CCBE1: variants seen among roughly 807,000 people sequenced by gnomAD.
The protein encoded by CCBE1 is collagen and calcium binding EGF domains 1, also known as collagen and calcium-binding EGF domain-containing protein 1.
In CCBE1, 37 loss-of-function variants were observed where a neutral mutation model predicts 50.0. The observed-to-expected ratio is 0.74, with a 90% CI of 0.57 to 0.97. The LOEUF (loss-of-function observed/expected upper bound fraction) is 0.97. Ranked by LOEUF, CCBE1 falls within the 50% of genes least tolerant of loss-of-function variation. The pLI, the probability that CCBE1 is intolerant of heterozygous loss-of-function variation, is 0.00. For missense variants in CCBE1, 538 were observed against 523.8 expected (o/e 1.03, Z -0.26); for synonymous variants, 234 against 203.7 (o/e 1.15, Z -1.27).
chr18:59,441,586 T>C (rs1218439363), intron 7 of CCBE1, among the ~76,000 whole-genome samples: 1 of 151,910 alleles, frequency 6.6e-6, no homozygotes, highest in Non-Finnish European at 1.5e-5. Flanking sequence ...TAATGAGATA[T>C]GGGCTTTAAA....
intron 2 of CCBE1, among the ~76,000 whole-genome samples, chr18:59,567,276 CTACCCACCACCA>C (rs751336033): frequency 6.6e-6 from 1 of 151,968 alleles, no homozygotes; most frequent in East Asian, 1.9e-4. Context: ...CCCAGCTACC[CTACCCACCACCA>C]TACCCAGCTA....
chr18:59,604,421 CAG>C (rs1039609011), intron 2 of CCBE1, among the ~76,000 whole-genome samples: 13 of 152,098 alleles, frequency 8.5e-5, no homozygotes, highest in African/African-American at 2.7e-4. Context: ...ACACATAGAA[CAG>C]AGATACCTAT....
At chr18:59,656,648 G>A (rs1387341011) in intron 2 of CCBE1, among the ~76,000 whole-genome samples, 3 of 152,142 alleles carry the variant, frequency 2.0e-5, no homozygotes, top group Admixed American at 6.5e-5. Flanking sequence ...TGCATCTAGC[G>A]GGCAATTGGT....
At chr18:59,438,893 T>C (rs1910280482) in intron 9 of CCBE1, among the ~76,000 whole-genome samples, 1 of 152,144 alleles carries the variant, frequency 6.6e-6, no homozygotes, top group South Asian at 2.1e-4. Flanking sequence ...CTCACACCTG[T>C]AATACCAGCA....
chr18:59,435,911 T>G lies in CCBE1; in HGVS notation c.1218A>C (p.Pro406=). ...RDLRAPRDFY[P] is the part of the protein sequence containing the mutation. ...GGCGTGACGGTGTTGGGATGTGCTA[T>G]GGGTAGAAGTCTCTGGGGGCTCTCA... The change falls in exon 11 of 11, where the codon CCA becomes CCC. Residue 406 remains proline (P), a synonymous_variant. Coordinates refer to ENST00000439986, the MANE Select transcript of CCBE1 (RefSeq NM_133459.4). The G allele has an allele frequency of 6.2e-7, 1 of 1,613,648 alleles. No individual in the cohort carries two copies. Among genetic ancestry groups the G allele is most frequent in the Non-Finnish European group, 8.5e-7 (1 of 1,179,558 alleles).
intron 2 of CCBE1, among the ~76,000 whole-genome samples, chr18:59,549,521 C>T (rs987204266): frequency 2.6e-5 from 4 of 152,172 alleles, no homozygotes; most frequent in African/African-American, 9.7e-5. Context: ...TGCACCGGGG[C>T]TCAGGAAGGT....
chr18:59,689,297 A>G (rs1436405945), intron 2 of CCBE1, among the ~76,000 whole-genome samples: 1 of 152,212 alleles, frequency 6.6e-6, no homozygotes, highest in Non-Finnish European at 1.5e-5. Context: ...GATGAGGCAA[A>G]TAGAATGTCC....
chr18:59,468,860 G>A (rs58996178), intron 4 of CCBE1, among the ~76,000 whole-genome samples: 62,937 of 149,888 alleles, frequency 0.42, 13,457 homozygotes, highest in South Asian at 0.51. Flanking sequence ...TTCCCCAAAC[G>A]AGGACCCCAG....
intron 2 of CCBE1, among the ~76,000 whole-genome samples, chr18:59,572,865 A>T (rs1490475382): frequency 1.3e-5 from 2 of 152,198 alleles, no homozygotes; most frequent in African/African-American, 4.8e-5. Flanking sequence ...TTATGTGTCA[A>T]TCCGGTTAGA....
chr18:59,511,727 A>C (rs1914140760), intron 2 of CCBE1, among the ~76,000 whole-genome samples: 1 of 152,214 alleles, frequency 6.6e-6, no homozygotes. Flanking sequence ...GCATATTTGT[A>C]ACCATTAACC....
At position 59,522,993 on chromosome 18, in the gene CCBE1, C is replaced by CAAAAAAAAAAAAAAAAAAAAAAAAAAAA. The variant is rs57217059; in HGVS notation, c.213-42756_213-42755insTTTTTTTTTTTTTTTTTTTTTTTTTTTT. 7.8e-5 allele frequency among the ~76,000 whole-genome samples: 7 copies of CAAAAAAAAAAAAAAAAAAAAAAAAAAAA among 89,222 alleles called. 1 individual carries two copies. Among genetic ancestry groups the CAAAAAAAAAAAAAAAAAAAAAAAAAAAA allele is most frequent in the East Asian group, 3.0e-4 (1 of 3,354 alleles). The allele number at this position is 89,222 out of a possible 152,430, so 58.5% of individuals were successfully genotyped here. On this transcript the variant is annotated intron_variant, in intron 2 of 10. Coordinates refer to ENST00000439986, the MANE Select transcript of CCBE1 (RefSeq NM_133459.4). ...GGCAACAGAGTGAGAGACTCTGTTT[C>CAAAAAAAAAAAAAAAAAAAAAAAAAAAA]AAAAAAAAAAAAAAAAAAAATTCTC...
chr18:59,455,050 T>C, intron 5 of CCBE1, 99 bp from the exon 6 acceptor site: 1 of 919,302 alleles, frequency 1.1e-6, no homozygotes, highest in Non-Finnish European at 1.8e-6. Flanking sequence ...ACAGAGTAGC[T>C]GACAGCGGGA....
At chr18:59,582,188 T>C (rs1274971354) in intron 2 of CCBE1, among the ~76,000 whole-genome samples, 2 of 152,152 alleles carry the variant, frequency 1.3e-5, no homozygotes, top group Non-Finnish European at 2.9e-5. Context: ...TGTTTAAGGT[T>C]CGAGTCAAAA....
At chr18:59,583,050 C>A (rs1019598851) in intron 2 of CCBE1, among the ~76,000 whole-genome samples, 5 of 151,914 alleles carry the variant, frequency 3.3e-5, no homozygotes, top group Non-Finnish European at 5.9e-5. Flanking sequence ...AACTCCTGGG[C>A]TTAAGTGATC....
chr18:59,616,515 A>G (rs1479656382), intron 2 of CCBE1, among the ~76,000 whole-genome samples: 1 of 152,228 alleles, frequency 6.6e-6, no homozygotes, highest in Non-Finnish European at 1.5e-5. Flanking sequence ...CAAGGAGGAA[A>G]CAGGTCTCCC....
chr18:59,445,459 T>C (rs1181749768), intron 7 of CCBE1, among the ~76,000 whole-genome samples: 1 of 152,204 alleles, frequency 6.6e-6, no homozygotes, highest in East Asian at 1.9e-4. Flanking sequence ...TAAATGCACA[T>C]AGTAATTGCT....
chr18:59,681,930 T>C (rs2054593806), intron 2 of CCBE1, among the ~76,000 whole-genome samples: 1 of 152,182 alleles, frequency 6.6e-6, no homozygotes, highest in African/African-American at 2.4e-5. Flanking sequence ...TCTGTGAAGG[T>C]GGGAGTGGTC....
chr18:59,466,913 G>C (rs368483618), intron 4 of CCBE1, 22 bp from the exon 5 acceptor site: 3 of 1,604,512 alleles, frequency 1.9e-6, no homozygotes, highest in Admixed American at 1.7e-5. Context: ...CAAATGTAGA[G>C]AATACTAAGT....
intron 2 of CCBE1, among the ~76,000 whole-genome samples, chr18:59,541,129 T>C (rs1264264211): frequency 6.6e-6 from 1 of 152,250 alleles, no homozygotes; most frequent in Non-Finnish European, 1.5e-5. Context: ...AATGACATTA[T>C]AATTTATATA....
Sources: gnomAD v4.1 joint callset for allele counts (sites outside exome capture counted in the v4.1 genomes callset) on GRCh38, gnomAD v4.1.1 for gene constraint, MANE v1.5 for transcripts, NCBI Gene and HGNC (gene_info 2026-07-23, HGNC 2026-07-21) for gene names.